Variants in PUM1 observed in about 807,000 individuals in gnomAD.
PUM1 encodes pumilio RNA binding family member 1, also known as pumilio homolog 1.
PUM1 carries 13 observed loss-of-function variants against 131.8 expected under a neutral mutation model. The ratio of observed to expected loss-of-function variants is 0.10; its 90% CI spans 0.06 to 0.16. PUM1 has a LOEUF of 0.16. PUM1 is among the 10% of genes least tolerant of loss of function. PUM1 has a pLI of 1.00. For synonymous variants in PUM1, 509 were observed against 556.5 expected (o/e 0.91, Z 1.20); for missense variants, 961 against 1,512.4 (o/e 0.64, Z 6.05).
intron 3 of PUM1, among the ~76,000 whole-genome samples, chr1:31,008,224 T>C (rs567532162): frequency 6.6e-6 from 1 of 152,294 alleles, no homozygotes; most frequent in East Asian, 1.9e-4. Context: ...CTCACTAAAA[T>C]AAATCTCTGC....
intron 3 of PUM1, among the ~76,000 whole-genome samples, chr1:31,009,504 G>C (rs6662411): frequency 6.6e-6 from 1 of 152,016 alleles, no homozygotes. Context: ...GGTGGCTCAC[G>C]CCTGTAATCC....
chr1:31,042,896 C>CT (rs952602550), intron 2 of PUM1, among the ~76,000 whole-genome samples: 92 of 151,746 alleles, frequency 6.1e-4, no homozygotes, highest in African/African-American at 2.0e-3. Flanking sequence ...GATGATTTTT[C>CT]TTTTTTTTTC....
At chr1:30,969,332 A>AAAAAAAAAAAAAAAAAG (rs1557560979) in intron 10 of PUM1, among the ~76,000 whole-genome samples, 2 of 135,268 alleles carry the variant, frequency 1.5e-5, no homozygotes, top group African/African-American at 2.7e-5. Flanking sequence ...AAAAAAAAAA[A>AAAAAAAAAAAAAAAAAG]AAAAGAAAAA....
intron 3 of PUM1, 170 bp downstream of exon 3, chr1:31,028,626 A>C: frequency 1.6e-6 from 1 of 643,878 alleles, no homozygotes; most frequent in Admixed American, 2.6e-5. Context: ...TCTTCTTTTA[A>C]TGACATAGTT....
chr1:30,995,467 C>A (rs1259657223), intron 5 of PUM1, among the ~76,000 whole-genome samples: 1 of 151,184 alleles, frequency 6.6e-6, no homozygotes, highest in Non-Finnish European at 1.5e-5. Flanking sequence ...CAATGTCCCA[C>A]CAACCCATTT....
intron 3 of PUM1, among the ~76,000 whole-genome samples, chr1:31,014,301 CAAAAAAAAA>C (rs745510280): frequency 7.9e-5 from 6 of 76,088 alleles, no homozygotes; most frequent in Admixed American, 3.2e-4. Context: ...ATCCAGTCTC[CAAAAAAAAA>C]AAAAAAAAAA....
At chr1:30,935,739 T>C (rs764770682) in intron 21 of PUM1, 30 of 445,182 alleles carry the variant, frequency 6.7e-5, no homozygotes, top group South Asian at 4.5e-4. Flanking sequence ...CCGAACTTTG[T>C]TCTCAGTGAG....
At chr1:31,057,631 A>C (rs978495821) in intron 2 of PUM1, among the ~76,000 whole-genome samples, 3 of 145,606 alleles carry the variant, frequency 2.1e-5, no homozygotes, top group Admixed American at 6.9e-5. Flanking sequence ...AAGGTAAGGC[A>C]GGAGAATTGC....
chr1:31,013,260 T>G (rs1642687762), intron 3 of PUM1, among the ~76,000 whole-genome samples: 1 of 152,196 alleles, frequency 6.6e-6, no homozygotes, highest in Admixed American at 6.5e-5. Context: ...TTGCCTGGAC[T>G]TGTTTGACCA....
chr1:30,974,831 A>T, intron 9 of PUM1, 29 bp from the exon 10 acceptor site: 1 of 1,587,590 alleles, frequency 6.3e-7, no homozygotes, highest in African/African-American at 1.3e-5. Context: ...AGGTAAAGAA[A>T]GTCTGAACTA....
intron 9 of PUM1, among the ~76,000 whole-genome samples, chr1:30,975,021 A>C (rs1388384017): frequency 1.3e-5 from 2 of 152,224 alleles, no homozygotes; most frequent in East Asian, 1.9e-4. Context: ...CTAGAGGAAG[A>C]AGCAGTGGGG....
chr1:30,983,904 AT>A (rs1641449994), intron 7 of PUM1, among the ~76,000 whole-genome samples: 1 of 151,918 alleles, frequency 6.6e-6, no homozygotes, highest in Non-Finnish European at 1.5e-5. Context: ...CACCTGGGCT[AT>A]ATATTTTTTT....
intron 3 of PUM1, among the ~76,000 whole-genome samples, chr1:31,022,741 G>T (rs1317590252): frequency 6.6e-6 from 1 of 152,192 alleles, no homozygotes; most frequent in Non-Finnish European, 1.5e-5. Flanking sequence ...CCAAGATCTT[G>T]TTCCTCCAGA....
chr1:31,052,397 CT>C (rs983196377), intron 2 of PUM1, among the ~76,000 whole-genome samples: 29 of 150,748 alleles, frequency 1.9e-4, no homozygotes, highest in Admixed American at 6.7e-4. Context: ...TTTAAATTTC[CT>C]TTTTTTCATT....
At chr1:31,012,128 T>TA (rs1433356632) in intron 3 of PUM1, among the ~76,000 whole-genome samples, 1 of 152,016 alleles carries the variant, frequency 6.6e-6, no homozygotes, top group Non-Finnish European at 1.5e-5. Flanking sequence ...GCCACCTTCT[T>TA]AAAGAACTGG....
At chr1:31,045,587 T>C (rs990883990) in intron 2 of PUM1, among the ~76,000 whole-genome samples, 7 of 152,002 alleles carry the variant, frequency 4.6e-5, no homozygotes, top group East Asian at 1.9e-4. Context: ...CTGTACAAGA[T>C]GATAATATTA....
intron 14 of PUM1, among the ~76,000 whole-genome samples, chr1:30,956,804 T>C (rs1035786812): frequency 6.6e-6 from 1 of 152,112 alleles, no homozygotes; most frequent in African/African-American, 2.4e-5. Context: ...AGGAGCCAGG[T>C]CCTTGGTGAC....
At chr1:31,053,017 CTT>C (rs1192239160) in intron 2 of PUM1, among the ~76,000 whole-genome samples, 6 of 131,114 alleles carry the variant, frequency 4.6e-5, no homozygotes, top group Admixed American at 1.5e-4. Context: ...TATCCATCAT[CTT>C]TTTTTTTTTT....
intron 1 of PUM1, among the ~76,000 whole-genome samples, chr1:31,064,948 G>A (rs1206978738): frequency 6.6e-6 from 1 of 151,982 alleles, no homozygotes; most frequent in East Asian, 1.9e-4. Flanking sequence ...TTTGAGTGAA[G>A]AGAGACACCA....
Sources: gnomAD v4.1 joint callset for allele counts (sites outside exome capture counted in the v4.1 genomes callset) on GRCh38, gnomAD v4.1.1 for gene constraint, MANE v1.5 for transcripts, NCBI Gene and HGNC (gene_info 2026-07-23, HGNC 2026-07-21) for gene names.